SESN2: variants seen among roughly 807,000 people sequenced by gnomAD.
SESN2 encodes the protein sestrin 2.
Under a neutral mutation model 56.0 loss-of-function variants are expected in SESN2, and 42 were observed. That is an observed-to-expected ratio of 0.75 (90% CI 0.59 to 0.97). The LOEUF is 0.97. SESN2 is among the 50% of genes least tolerant of loss of function. SESN2 has a pLI of 0.00. For missense variants in SESN2, 507 were observed against 649.4 expected (o/e 0.78, Z 2.38); for synonymous variants, 264 against 267.1 (o/e 0.99, Z 0.11).
At chr1:28,261,271 G>A (rs749061064) in intron 1 of SESN2, among the ~76,000 whole-genome samples, 10 of 152,170 alleles carry the variant, frequency 6.6e-5, no homozygotes, top group Non-Finnish European at 1.3e-4. Context: ...GCCATGTGGA[G>A]GAATGGCTCT....
rs763412677 is a variant in SESN2, at chr1:28,273,316, AAGG to A, written c.751-33_751-31del. The A allele has an allele frequency of 4.0e-6, 6 of 1,512,678 alleles. No individual in the cohort carries two copies. The South Asian group carries it at 6.5e-5, about 16-fold the overall frequency. The allele number at this position is 1,512,678 out of a possible 1,614,324, so 93.7% of individuals were successfully genotyped here. On this transcript the variant is annotated intron_variant, in intron 5 of 9. Transcript: ENST00000253063. ...GATGAGTGGAGCTTCCCAGAGGCTG[AAGG>A]AGGAGGAGTAGCTGGTCACCACGGG...
chr1:28,272,755 A>G lies in SESN2; in HGVS notation c.712A>G (p.Ser238Gly), dbSNP rs1647833051. ...GGCACCTACACCCCCTAGTGAACAGAGCAGCCCCCCAAGCAGGGACCCGTT... is the reference window on the plus strand; with the variant it reads ...GGCACCTACACCCCCTAGTGAACAGGGCAGCCCCCCAAGCAGGGACCCGTT... Reference protein sequence around the residue: ...PQAPTPPSEQSSPPSRDPLNN... With the variant: ...PQAPTPPSEQGSPPSRDPLNN... Residue 238 changes from serine to glycine, a missense_variant, in exon 5 of 10, where the codon AGC (serine) becomes GGC (glycine). Transcript: ENST00000253063. 6.2e-7 allele frequency: 1 copy of G among 1,609,050 alleles called. No homozygotes were observed. Among genetic ancestry groups the G allele is most frequent in the African/African-American group, 1.3e-5 (1 of 74,794 alleles).
chr1:28,264,174 C>A (rs529726411), intron 1 of SESN2, among the ~76,000 whole-genome samples: 1 of 151,876 alleles, frequency 6.6e-6, no homozygotes, highest in African/African-American at 2.4e-5. Flanking sequence ...CAAAAATTAG[C>A]CGGGCTTGGT....
intron 8 of SESN2, among the ~76,000 whole-genome samples, chr1:28,276,271 G>A (rs1370647924): frequency 6.6e-6 from 1 of 152,142 alleles, no homozygotes; most frequent in Admixed American, 6.5e-5. Flanking sequence ...ATGAGGCCAG[G>A]AGTTTGTGCC....
chr1:28,273,908 C>A, intron 6 of SESN2, 132 bp from the exon 7 acceptor site: 1 of 683,920 alleles, frequency 1.5e-6, no homozygotes, highest in Non-Finnish European at 2.6e-6. Context: ...AAATCTTGCC[C>A]CACTCACTAT....
At chr1:28,260,447 C>G (rs541944224) in intron 1 of SESN2, among the ~76,000 whole-genome samples, 34 of 152,236 alleles carry the variant, frequency 2.2e-4, no homozygotes, top group South Asian at 1.9e-3. Context: ...GCACCTGGGA[C>G]TGGCCAGTGA....
chr1:28,259,993 C>T (rs1398367585), intron 1 of SESN2, 56 bp downstream of exon 1: 1 of 1,331,782 alleles, frequency 7.5e-7, no homozygotes. Flanking sequence ...CGCGTCTGAG[C>T]CTCAGGCTGT....
intron 7 of SESN2, among the ~76,000 whole-genome samples, chr1:28,274,602 C>T (rs543034704): frequency 8.5e-5 from 13 of 152,170 alleles, no homozygotes; most frequent in Admixed American, 3.3e-4. Flanking sequence ...CCTGTGAATC[C>T]TTAAGGGACC....
At chr1:28,261,631 C>CCTGT (rs1647377982) in intron 1 of SESN2, among the ~76,000 whole-genome samples, 1 of 152,154 alleles carries the variant, frequency 6.6e-6, no homozygotes, top group Non-Finnish European at 1.5e-5. Context: ...GGTGCCTGAG[C>CCTGT]CTGTTCCTGA....
chr1:28,273,987 A>ACC (rs1647919708), intron 6 of SESN2, 53 bp from the exon 7 acceptor site: 2 of 1,150,684 alleles, frequency 1.7e-6, no homozygotes, highest in African/African-American at 1.5e-5. Flanking sequence ...TCAGGAATGG[A>ACC]CCCCTGCATG....
intron 2 of SESN2, 138 bp downstream of exon 2, chr1:28,269,386 C>T (rs1647676039): frequency 3.8e-6 from 2 of 531,752 alleles, no homozygotes; most frequent in African/African-American, 2.0e-5. Flanking sequence ...ATTTAATTCA[C>T]AAAACGGCTT....
intron 1 of SESN2, among the ~76,000 whole-genome samples, chr1:28,262,326 G>A (rs905005612): frequency 6.6e-6 from 1 of 152,086 alleles, no homozygotes; most frequent in East Asian, 1.9e-4. Context: ...CTTCACTCTA[G>A]TACTGGTAGT....
chr1:28,275,047 G>A lies in SESN2; in HGVS notation c.1211+32G>A, dbSNP rs753220012. The A allele has an allele frequency of 4.6e-6, 7 of 1,528,160 alleles. No homozygotes were observed. The Middle Eastern group carries it at 5.2e-4, about 113-fold the overall frequency. The allele number at this position is 1,528,160 out of a possible 1,614,324, so 94.7% of individuals were successfully genotyped here. On this transcript the variant is annotated intron_variant, in intron 8 of 9. Coordinates refer to ENST00000253063, the MANE Select transcript of SESN2 (RefSeq NM_031459.5). ...TCATATCCCTTCATTTGGGGCATGT[G>A]TGCACTGTAAGTCTTCACTCTGGGT...
intron 2 of SESN2, among the ~76,000 whole-genome samples, chr1:28,269,470 G>A (rs917726292): frequency 1.1e-4 from 17 of 151,942 alleles, no homozygotes; most frequent in African/African-American, 2.9e-4. Flanking sequence ...TAATAGCCAG[G>A]TAGTGGCCAA....
chr1:28,279,220 G>A lies in SESN2; in HGVS notation c.1335G>A (p.Arg445=), dbSNP rs140537826. ...GAAGAATGTACAACCTCTTCTGGAG[G>A]CACTTCCGCCACTCAGAGAAGGTAT... ...TTRRMYNLFW[R]HFRHSEKVHV... is the part of the protein sequence containing the mutation. The change falls in exon 9 of 10, where the codon AGG becomes AGA. Residue 445 remains arginine (R), a synonymous_variant. Transcript: ENST00000253063. The A allele has an allele frequency of 5.0e-6, 8 of 1,614,024 alleles. No homozygotes were observed. Among genetic ancestry groups the A allele is most frequent in the South Asian group, 4.4e-5 (4 of 91,080 alleles).
In SESN2 at chr1:28,281,945, A is replaced by C. The variant is rs1648262649; in HGVS notation, c.*1143A>C. On this transcript the variant is annotated 3_prime_UTR_variant, in exon 10 of 10. Transcript: ENST00000253063. ...AACAGCAAGCGGATTTTCTTGCAAG[A>C]TCAGGGACCCCATTTCTGCAGCCAG... 1 of 152,306 alleles carries C rather than the reference A, an allele frequency of 6.6e-6. No homozygotes were observed. Among genetic ancestry groups the C allele is most frequent in the African/African-American group, 2.4e-5 (1 of 41,446 alleles). The allele number at this position is 152,306 out of a possible 1,614,324, so 9.4% of individuals were successfully genotyped here. A position where few individuals can be genotyped will look rare whatever the true frequency, so the allele number is the denominator to read the frequency against.
Position 28,276,570 on chromosome 1 carries a change from C to CTTTTTTTTT in SESN2, c.1211+1573_1211+1581dup, listed in dbSNP as rs57474365. Among the ~76,000 whole-genome samples, 9 of 94,734 alleles carry CTTTTTTTTT rather than the reference C, an allele frequency of 9.5e-5. 1 individual carries two copies. The highest frequency in any genetic ancestry group is 1.9e-4 in the African/African-American group (4 of 21,552). The allele number at this position is 94,734 out of a possible 152,430, so 62.1% of individuals were successfully genotyped here. On this transcript the variant is annotated intron_variant, in intron 8 of 9. Transcript: ENST00000253063. ...TATCTCCTTCCTGTCTTTTTCTTTC[C>CTTTTTTTTT]TTTTTTTTTTTTTTTTTTTTTTTTT...
chr1:28,260,138 CCCCTCCCTCTCCCCCTCCT>C (rs1201138349), intron 1 of SESN2, among the ~76,000 whole-genome samples: 24 of 147,232 alleles, frequency 1.6e-4, no homozygotes, highest in African/African-American at 2.7e-4. Flanking sequence ...CCTCCTTCTC[CCCCTCCCTCTCCCCCTCCT>C]CCCTCCCTCT....
chr1:28,275,870 A>G (rs1361298453), intron 8 of SESN2, among the ~76,000 whole-genome samples: 1 of 152,156 alleles, frequency 6.6e-6, no homozygotes, highest in Non-Finnish European at 1.5e-5. Context: ...CTTGGGCAAC[A>G]TAGTGAGACC....
Sources: allele counts gnomAD v4.1 joint callset (sites outside exome capture counted in the v4.1 genomes callset), GRCh38; gene constraint gnomAD v4.1.1; transcripts MANE v1.5; gene names NCBI Gene and HGNC (gene_info 2026-07-23, HGNC 2026-07-21).